Variants in SHCBP1L observed in about 807,000 individuals in gnomAD.
SHCBP1L encodes SHC binding and spindle associated 1 like, also known as testicular spindle-associated protein SHCBP1L.
In SHCBP1L, 67 loss-of-function variants were observed where a neutral mutation model predicts 62.5. That is an observed-to-expected ratio of 1.07 (90% confidence interval 0.88 to 1.31). The LOEUF is 1.31. Among genes scored for constraint, SHCBP1L ranks in the 40% most tolerant of loss-of-function variants. The pLI is 0.00. For synonymous variants in SHCBP1L, 284 were observed against 289.4 expected (o/e 0.98, Z 0.19); for missense variants, 823 against 809.8 (o/e 1.02, Z -0.20).
chr1:182,904,382 TCA>T lies in SHCBP1L; in HGVS notation c.1383_1384del (p.Asp462GlnfsTer8). The T allele has an allele frequency of 6.2e-7, 1 of 1,614,186 alleles. No homozygotes were observed. Among genetic ancestry groups the T allele is most frequent in the African/African-American group, 1.3e-5 (1 of 75,056 alleles). ...GTCAGCTTTGGACACCACAAAACTG[TCA>T]CGAGAAGGTTCAGAAGTAATCATAA... On this transcript the variant is annotated frameshift_variant, in exon 8 of 10. Transcript: ENST00000367547. LOFTEE classifies it high-confidence loss of function.
chr1:182,912,853 T>C (rs1443725407), intron 6 of SHCBP1L, among the ~76,000 whole-genome samples: 1 of 150,868 alleles, frequency 6.6e-6, no homozygotes, highest in African/African-American at 2.4e-5. Context: ...CTGGTAAACA[T>C]AGGCCAGGCA....
intron 6 of SHCBP1L, among the ~76,000 whole-genome samples, chr1:182,915,037 G>T (rs1160591029): frequency 1.3e-5 from 2 of 151,046 alleles, no homozygotes; most frequent in African/African-American, 4.9e-5. Flanking sequence ...GCATGGTGGT[G>T]CATAATCCCA....
At chr1:182,924,069 A>G (rs1377206281) in intron 6 of SHCBP1L, among the ~76,000 whole-genome samples, 2 of 152,206 alleles carry the variant, frequency 1.3e-5, no homozygotes, top group African/African-American at 4.8e-5. Flanking sequence ...ACAAAAATCC[A>G]TAGCATTTCT....
At chr1:182,952,227 TATATATATACACACACAC>T (rs1651793821) in intron 1 of SHCBP1L, among the ~76,000 whole-genome samples, 1 of 61,940 alleles carries the variant, frequency 1.6e-5, no homozygotes, top group Non-Finnish European at 2.5e-5. Flanking sequence ...TATATATATA[TATATATATACACACACAC>T]ACACACACAC....
chr1:182,927,050 CTATA>C (rs58308065), intron 6 of SHCBP1L, among the ~76,000 whole-genome samples: 38 of 90,546 alleles, frequency 4.2e-4, no homozygotes, highest in Non-Finnish European at 6.7e-4. Context: ...TTAACTAGCA[CTATA>C]TATATATATA....
At chr1:182,952,685 C>T (rs1651818022) in intron 1 of SHCBP1L, 44 bp downstream of exon 1, 1 of 1,545,088 alleles carries the variant, frequency 6.5e-7, no homozygotes, top group Non-Finnish European at 8.7e-7. Flanking sequence ...CCCCAGGTTC[C>T]GACGAGCTTC....
At chr1:182,937,749 T>C (rs942646729) in intron 5 of SHCBP1L, among the ~76,000 whole-genome samples, 7 of 152,218 alleles carry the variant, frequency 4.6e-5, no homozygotes, top group African/African-American at 1.4e-4. Flanking sequence ...GAAGTTTCTA[T>C]TGACAAATCT....
chr1:182,916,676 A>G (rs1009910654), intron 6 of SHCBP1L, among the ~76,000 whole-genome samples: 6 of 152,244 alleles, frequency 3.9e-5, no homozygotes, highest in African/African-American at 9.6e-5. Context: ...ACAGTTTACC[A>G]AAACTGGCTC....
intron 6 of SHCBP1L, among the ~76,000 whole-genome samples, chr1:182,917,182 A>C (rs1650381418): frequency 1.3e-5 from 2 of 152,214 alleles, no homozygotes; most frequent in Admixed American, 6.5e-5. Flanking sequence ...ACTATACAGC[A>C]ATATTCCTTT....
At chr1:182,901,506 GGTTAATAATTT>G (rs1649835741) in intron 9 of SHCBP1L, among the ~76,000 whole-genome samples, 2 of 152,256 alleles carry the variant, frequency 1.3e-5, no homozygotes, top group Admixed American at 6.5e-5. Flanking sequence ...GCCAGAACAA[GGTTAATAATTT>G]CTGGGAACAC....
intron 5 of SHCBP1L, among the ~76,000 whole-genome samples, chr1:182,936,459 C>T (rs915402076): frequency 6.6e-6 from 1 of 151,998 alleles, no homozygotes; most frequent in Non-Finnish European, 1.5e-5. Flanking sequence ...TTTAATTTAG[C>T]ATTTTATTTT....
rs1399656724 is a variant in SHCBP1L, at chr1:182,930,551, G to GTGTATATA, written c.1077-800_1077-799insTATATACA. Among the ~76,000 whole-genome samples, 6 of 49,464 alleles carry GTGTATATA rather than the reference G, an allele frequency of 1.2e-4. No homozygotes were observed. The East Asian group carries it at 2.2e-3, about 18-fold the overall frequency. 32.5% of individuals were successfully genotyped at this position (49,464 alleles called of 152,430 possible). On this transcript the variant is annotated intron_variant, in intron 5 of 9. Transcript: ENST00000367547. ...AAGAGGATGTGGCTTTAGTGTGTGTGTATATATATATATATATATATATAT... is the reference window on the plus strand; with the variant it reads ...AAGAGGATGTGGCTTTAGTGTGTGTGTGTATATATATATATATATATATATATATATAT...
At chr1:182,939,629 G>A in intron 3 of SHCBP1L, 76 bp from the exon 4 acceptor site, 8 of 1,038,470 alleles carry the variant, frequency 7.7e-6, no homozygotes, top group Non-Finnish European at 1.1e-5. Context: ...ATATTCTGAT[G>A]TCAGAATTCT....
At chr1:182,905,781 T>A (rs1649993303) in intron 6 of SHCBP1L, 132 bp from the exon 7 acceptor site, 1 of 774,510 alleles carries the variant, frequency 1.3e-6, no homozygotes. Flanking sequence ...ATTTATTAAA[T>A]GCTCAAAGTA....
chr1:182,924,768 GAAAGAA>G (rs1421808691), intron 6 of SHCBP1L, among the ~76,000 whole-genome samples: 1 of 93,242 alleles, frequency 1.1e-5, no homozygotes, highest in East Asian at 3.3e-4. Flanking sequence ...AAGAAAGAAA[GAAAGAA>G]AGAAAGAAAG....
At chr1:182,930,703 G>GTATATATA (rs1217293960) in intron 5 of SHCBP1L, among the ~76,000 whole-genome samples, 2 of 14,282 alleles carry the variant, frequency 1.4e-4, no homozygotes, top group African/African-American at 3.9e-4. Flanking sequence ...GTGTGTGTGT[G>GTATATATA]TATATATATA....
chr1:182,900,878 A>G lies in SHCBP1L; in HGVS notation c.1711-644T>C, dbSNP rs146668969. Among the ~76,000 whole-genome samples, 127 of 152,334 alleles carry G rather than the reference A, an allele frequency of 8.3e-4. 1 individual carries two copies. In the East Asian group the frequency reaches 0.024, roughly 28 times the overall value. ...CAAGACCCTATTCTCCACAAAAAGA[A>G]AAAGAAAAAAAAAGTGTAAGAAAAT... On this transcript the variant is annotated intron_variant, in intron 9 of 9. Transcript: ENST00000367547.
intron 9 of SHCBP1L, among the ~76,000 whole-genome samples, chr1:182,902,408 G>C (rs1051171437): frequency 2.6e-5 from 4 of 151,866 alleles, no homozygotes; most frequent in South Asian, 2.1e-4. Flanking sequence ...ACAGAGAGTG[G>C]GAGGCTACTA....
chr1:182,926,967 T>C (rs1289018475), intron 6 of SHCBP1L, among the ~76,000 whole-genome samples: 5 of 149,990 alleles, frequency 3.3e-5, no homozygotes, highest in South Asian at 2.1e-4. Context: ...GGTTAAATAA[T>C]TGGTTGAAAA....
Sources: gnomAD v4.1 joint callset for allele counts (sites outside exome capture counted in the v4.1 genomes callset) on GRCh38, gnomAD v4.1.1 for gene constraint, MANE v1.5 for transcripts, NCBI Gene and HGNC (gene_info 2026-07-23, HGNC 2026-07-21) for gene names.